LYRM9: variants seen among roughly 807,000 people sequenced by gnomAD.
LYRM9 encodes LYR motif containing 9, also known as LYR motif-containing protein 9.
Under a neutral mutation model 12.6 loss-of-function variants are expected in LYRM9, and 14 were observed. That is an observed-to-expected ratio of 1.11 (90% CI 0.73 to 1.73). LYRM9 has a LOEUF of 1.73. LYRM9 is among the 40% of genes most tolerant of loss of function. The pLI, the probability that LYRM9 is intolerant of heterozygous loss-of-function variation, is 0.00. For synonymous variants in LYRM9, 42 were observed against 35.1 expected (o/e 1.20, Z -0.69); for missense variants, 94 against 95.0 (o/e 0.99, Z 0.04).
At chr17:27,879,792 C>T (rs1904978187) in intron 3 of LYRM9, 1 of 542,618 alleles carries the variant, frequency 1.8e-6, no homozygotes, top group East Asian at 3.2e-5. Flanking sequence ...CTAGGTCCTT[C>T]TAATACCAGC....
intron 3 of LYRM9, 88 bp from the exon 4 acceptor site, chr17:27,879,578 C>A: frequency 7.1e-7 from 1 of 1,418,140 alleles, no homozygotes; most frequent in Non-Finnish European, 9.6e-7. Context: ...ATCATCTGGA[C>A]CTCACCTGCC....
At chr17:27,885,078 T>G (rs1422727654) in intron 1 of LYRM9, among the ~76,000 whole-genome samples, 2 of 152,170 alleles carry the variant, frequency 1.3e-5, no homozygotes, top group Non-Finnish European at 2.9e-5. Flanking sequence ...CCCCACCATC[T>G]ATTCTCCCTT....
intron 1 of LYRM9, chr17:27,892,802 T>C (rs1318340199): frequency 6.3e-6 from 1 of 158,368 alleles, no homozygotes; most frequent in Non-Finnish European, 1.4e-5. Flanking sequence ...CTTCGTGAAT[T>C]ATATCTCAAT....
intron 1 of LYRM9, among the ~76,000 whole-genome samples, chr17:27,888,921 A>G (rs942738652): frequency 1.3e-5 from 2 of 152,082 alleles, no homozygotes; most frequent in African/African-American, 4.8e-5. Context: ...CTCCACAAAG[A>G]GCTCTACTCT....
intron 1 of LYRM9, chr17:27,883,290 C>A: frequency 3.5e-6 from 1 of 286,338 alleles, no homozygotes. Flanking sequence ...GTCTGAGAAG[C>A]ATGAATCTAG....
intron 3 of LYRM9, 191 bp downstream of exon 3, chr17:27,880,083 G>A: frequency 1.4e-6 from 1 of 703,792 alleles, no homozygotes. Flanking sequence ...CTCCCCACTT[G>A]CAGAATATAA....
intron 2 of LYRM9, chr17:27,880,655 G>A: frequency 2.1e-6 from 1 of 480,042 alleles, no homozygotes; most frequent in East Asian, 3.8e-5. Context: ...ATCAAGCTAG[G>A]CCCAAAGGCT....
At chr17:27,887,998 T>G (rs896623751) in intron 1 of LYRM9, among the ~76,000 whole-genome samples, 3 of 152,116 alleles carry the variant, frequency 2.0e-5, no homozygotes, top group African/African-American at 7.2e-5. Flanking sequence ...ACCCATATTA[T>G]AGAGGGCTGT....
chr17:27,886,644 TC>T lies in LYRM9; in HGVS notation c.-18-3933del, dbSNP rs1905240817. Among the ~76,000 whole-genome samples the T allele has an allele frequency of 9.5e-6, 1 of 104,896 alleles. No individual in the cohort carries two copies. The highest frequency in any genetic ancestry group is 4.3e-5 in the African/African-American group (1 of 23,212). The allele number at this position is 104,896 out of a possible 152,430, so 68.8% of individuals were successfully genotyped here. A position where few individuals can be genotyped will look rare whatever the true frequency, so the allele number is the denominator to read the frequency against. On this transcript the variant is annotated intron_variant, in intron 1 of 3. Transcript: ENST00000379102. This position sits in a 1 kb window ranked among gnomAD's most constrained non-coding sequence, Gnocchi z 4.8. The stretch of plus-strand genomic sequence containing the variant: ...TGCCACTGGTTTCTTTCTTTTCTTT[TC>T]TTTTTTTATTTTTTTTTTTTTGAGA...
intron 1 of LYRM9, among the ~76,000 whole-genome samples, chr17:27,883,478 C>T (rs1168208873): frequency 1.3e-5 from 2 of 151,962 alleles, no homozygotes; most frequent in African/African-American, 4.8e-5. Flanking sequence ...GGTGAAACCC[C>T]GTCTCTACTA....
chr17:27,885,165 C>CA (rs779650228), intron 1 of LYRM9, among the ~76,000 whole-genome samples: 1 of 152,194 alleles, frequency 6.6e-6, no homozygotes, highest in Non-Finnish European at 1.5e-5. Flanking sequence ...GTGGGACTAT[C>CA]AGAGCCCTGC....
Position 27,882,562 on chromosome 17 carries a change from C to T in LYRM9, c.126+7G>A. ...CAGCCCCCAGACCTGGTAGAGCCAG[C>T]TCGCACCTGCCTGACAGCATGCTTG... On this transcript the variant is annotated splice_region_variant and intron_variant, in intron 2 of 3. Coordinates refer to ENST00000379102, the MANE Select transcript of LYRM9 (RefSeq NM_001076680.3). The T allele has an allele frequency of 6.3e-7, 1 of 1,577,202 alleles. No individual in the cohort carries two copies. Among genetic ancestry groups the T allele is most frequent in the Non-Finnish European group, 8.6e-7 (1 of 1,162,944 alleles).
intron 2 of LYRM9, chr17:27,880,790 AGTG>A: frequency 2.1e-5 from 4 of 190,526 alleles, no homozygotes; most frequent in Non-Finnish European, 2.2e-5. Flanking sequence ...CTCTCGGCCC[AGTG>A]CTAGGAGAGC....
In LYRM9 at chr17:27,878,873, C is replaced by A; in HGVS notation, c.*600G>T. On this transcript the variant is annotated 3_prime_UTR_variant, in exon 4 of 4. Transcript: ENST00000379102. ...TCAGGGGCTACAAGCAGGGACAGGG[C>A]AAGCTCGCAAACAAAAAACTGAGAC... 6.5e-6 allele frequency: 1 copy of A among 152,898 alleles called. No individual in the cohort carries two copies. The highest frequency in any genetic ancestry group is 1.5e-5 in the Non-Finnish European group (1 of 68,244). 9.5% of individuals were successfully genotyped at this position (152,898 alleles called of 1,614,324 possible).
rs1905095921 is a variant in LYRM9, at chr17:27,882,558, C to A, written c.126+11G>T. On this transcript the variant is annotated intron_variant, in intron 2 of 3. Transcript: ENST00000379102. Reference sequence around the variant, plus strand: ...GAGGCAGCCCCCAGACCTGGTAGAGCCAGCTCGCACCTGCCTGACAGCATG... The same window carrying A: ...GAGGCAGCCCCCAGACCTGGTAGAGACAGCTCGCACCTGCCTGACAGCATG... The A allele has an allele frequency of 6.4e-7, 1 of 1,571,212 alleles. No homozygotes were observed. Among genetic ancestry groups the A allele is most frequent in the Admixed American group, 1.8e-5 (1 of 56,836 alleles).
intron 1 of LYRM9, chr17:27,883,157 C>T (rs1234659798): frequency 8.0e-6 from 3 of 377,292 alleles, no homozygotes; most frequent in Non-Finnish European, 1.6e-5. Flanking sequence ...TGCTCCTGAA[C>T]CAGCAAAACC....
chr17:27,891,595 CCT>C (rs1222474196), intron 1 of LYRM9, among the ~76,000 whole-genome samples: 1 of 152,196 alleles, frequency 6.6e-6, no homozygotes, highest in African/African-American at 2.4e-5. Flanking sequence ...GATCCAGTTC[CCT>C]GTCACCTCCT....
At chr17:27,882,897 G>C in intron 1 of LYRM9, 185 bp from the exon 2 acceptor site, 1 of 698,334 alleles carries the variant, frequency 1.4e-6, no homozygotes, top group South Asian at 1.6e-5. Context: ...CTAGCCCAGA[G>C]CAGGCCCACA....
Position 27,879,046 on chromosome 17 carries a change from C to G in LYRM9, c.*427G>C, listed in dbSNP as rs1299525051. The stretch of plus-strand genomic sequence containing the variant: ...GAGGCACTTCACCTTCATCTTATTG[C>G]ATCTGGGATTCAAATCCAGATCTGT... On this transcript the variant is annotated 3_prime_UTR_variant, in exon 4 of 4. Coordinates refer to ENST00000379102, the MANE Select transcript of LYRM9 (RefSeq NM_001076680.3). The G allele has an allele frequency of 6.1e-6, 1 of 164,972 alleles. No individual in the cohort carries two copies. Among genetic ancestry groups the G allele is most frequent in the Non-Finnish European group, 1.3e-5 (1 of 76,450 alleles). 10.2% of individuals were successfully genotyped at this position (164,972 alleles called of 1,614,324 possible).
Sources: gnomAD v4.1 joint callset for allele counts (sites outside exome capture counted in the v4.1 genomes callset) on GRCh38, gnomAD v4.1.1 for gene constraint, Gnocchi (gnomAD v3.1) non-coding constraint, MANE v1.5 for transcripts, NCBI Gene and HGNC (gene_info 2026-07-23, HGNC 2026-07-21) for gene names.